Variants in TEX15 observed in about 807,000 individuals in gnomAD.
TEX15 encodes the protein testis expressed 15, meiosis and synapsis associated, also known as testis-expressed protein 15.
In TEX15, 171 loss-of-function variants were observed where a neutral mutation model predicts 237.3. That is an observed-to-expected ratio of 0.72 (90% CI 0.64 to 0.82). The LOEUF (loss-of-function observed/expected upper bound fraction) is 0.82. Among genes scored for constraint, TEX15 ranks in the 40% least tolerant of loss-of-function variants. TEX15 has a pLI of 0.00. For synonymous variants in TEX15, 1,338 were observed against 1,269.8 expected, an observed-to-expected ratio of 1.05 and a Z score of -1.14; for missense variants, 3,750 against 3,646.5, an observed-to-expected ratio of 1.03 and a Z score of -0.73.
intron 1 of TEX15, among the ~76,000 whole-genome samples, chr8:30,907,701 C>CATATAAATTAGATATAAAATTTAT (rs1170033262): frequency 5.3e-5 from 6 of 114,132 alleles, no homozygotes; most frequent in South Asian, 5.5e-4. Flanking sequence ...ATATAAAATA[C>CATATAAATTAGATATAAAATTTAT]ATATAAATTA....
intron 5 of TEX15, among the ~76,000 whole-genome samples, chr8:30,862,987 A>G (rs1808083017): frequency 6.6e-6 from 1 of 152,202 alleles, no homozygotes; most frequent in African/African-American, 2.4e-5. Context: ...CCCCACCTAG[A>G]CAATAACTGC....
At chr8:30,891,416 A>C (rs1808790113) in intron 2 of TEX15, among the ~76,000 whole-genome samples, 1 of 151,448 alleles carries the variant, frequency 6.6e-6, no homozygotes. Flanking sequence ...GGTAGTTTTT[A>C]CTTTCTGCCA....
At position 30,844,441 on chromosome 8, in the gene TEX15, A is replaced by G. The variant is rs777371246; in HGVS notation, c.5726T>C (p.Val1909Ala). ...LSTKNTTTES[V>A]PLKNTVSNPL... ...ATTAGAAACTGTGTTCTTCAAAGGG[A>G]CTGACTCAGTGGTAGTATTTTTAGT... The change falls in exon 8 of 11, where the codon GTC becomes GCC. Residue 1909 changes from valine (V) to alanine (A), a missense_variant. Coordinates refer to ENST00000643185, the MANE Select transcript of TEX15 (RefSeq NM_001350162.2). 6.8e-6 allele frequency: 11 copies of G among 1,612,824 alleles called. No homozygotes were observed. Among genetic ancestry groups the G allele is most frequent in the Non-Finnish European group, 9.3e-6 (11 of 1,179,458 alleles).
chr8:30,835,118 A>G (rs533678307), intron 10 of TEX15, among the ~76,000 whole-genome samples: 4 of 151,904 alleles, frequency 2.6e-5, no homozygotes, highest in Non-Finnish European at 4.4e-5. Context: ...ATATATATAT[A>G]TTTTTTGGGA....
rs144234582 is a variant in TEX15, at chr8:30,846,329, T to C, written c.3838A>G (p.Thr1280Ala). The change falls in exon 8 of 11, where the codon ACA becomes GCA. Residue 1280 changes from threonine to alanine, a missense_variant. Thr to Ala is a moderately conservative substitution (Grantham distance 58, BLOSUM62 0). Transcript: ENST00000643185. The part of the protein sequence containing the change: ...TIDDGSRCFF[T>A]KSKTDYNDTK... ...TCATTATAGTCAGTTTTTGATTTTG[T>C]AAAGAAACATCTGCTTCCATCATCT... 8.2e-4 allele frequency: 1,326 copies of C among 1,612,838 alleles called. 4 individuals are homozygous for C. The highest frequency in any genetic ancestry group is 5.4e-3 in the Middle Eastern group (33 of 6,058).
chr8:30,855,272 C>G (rs1317734298), intron 7 of TEX15, among the ~76,000 whole-genome samples: 2 of 152,026 alleles, frequency 1.3e-5, no homozygotes, highest in Non-Finnish European at 1.5e-5. Context: ...TACACAAAAT[C>G]AATTATATTT....
At chr8:30,907,491 A>C (rs1012354681) in intron 1 of TEX15, among the ~76,000 whole-genome samples, 2 of 147,118 alleles carry the variant, frequency 1.4e-5, no homozygotes, top group African/African-American at 4.9e-5. Flanking sequence ...ATTATATATA[A>C]AATGTATATA....
At position 30,837,621 on chromosome 8, in the gene TEX15, A is replaced by G. The variant is rs778825103; in HGVS notation, c.8663T>C (p.Val2888Ala). 3 of 1,614,044 alleles carry G rather than the reference A, an allele frequency of 1.9e-6. No homozygotes were observed. Among genetic ancestry groups the G allele is most frequent in the African/African-American group, 2.7e-5 (2 of 74,942 alleles). The change falls in exon 10 of 11, where the codon GTG becomes GCG. Residue 2888 changes from valine to alanine, a missense_variant. Physicochemically the swap from Val to Ala is moderately conservative, Grantham distance 64. Coordinates refer to ENST00000643185, the MANE Select transcript of TEX15 (RefSeq NM_001350162.2). ...DINPETDVSL[V>A]PDASVLSKPI... ...CTTTGAGAGCACCGACGCATCAGGC[A>G]CAAGAGAAACATCAGTTTCTGGGTT...
chr8:30,889,190 G>A (rs1375320530), intron 2 of TEX15, among the ~76,000 whole-genome samples: 1 of 152,158 alleles, frequency 6.6e-6, no homozygotes, highest in Non-Finnish European at 1.5e-5. Flanking sequence ...TTTAACTACA[G>A]TTAAGTTACA....
chr8:30,844,631 T>G lies in TEX15; in HGVS notation c.5536A>C (p.Lys1846Gln). The G allele has an allele frequency of 6.2e-7, 1 of 1,613,372 alleles. No homozygotes were observed. The highest frequency in any genetic ancestry group is 8.5e-7 in the Non-Finnish European group (1 of 1,179,594). The change falls in exon 8 of 11, where the codon AAA becomes CAA. Residue 1846 changes from lysine (K) to glutamine (Q), a missense_variant. By Grantham distance (53) the Lys-to-Gln change is moderately conservative. Coordinates refer to ENST00000643185, the MANE Select transcript of TEX15 (RefSeq NM_001350162.2). ...KKDTEDRITW[K>Q]VKQAEKAKDS... is the part of the protein sequence containing the mutation. ...TTTGCTTTTTCCGCTTGTTTAACTTTCCACGTTATTCTGTCCTCAGTGTCT... is the reference window on the plus strand; with the variant it reads ...TTTGCTTTTTCCGCTTGTTTAACTTGCCACGTTATTCTGTCCTCAGTGTCT...
rs1254746002 is a variant in TEX15 at position 30,847,411 on chromosome 8, G to C, written c.2756C>G (p.Ser919Cys). ...NIEILSSEEF[S>C]TKFNLICRED... The stretch of plus-strand genomic sequence containing the variant: ...TCTGCAAATCAAGTTAAATTTAGTA[G>C]AAAATTCTTCAGAACTCAAAATTTC... The change falls in exon 8 of 11, where the codon TCT becomes TGT. Residue 919 changes from serine to cysteine, a missense_variant. Physicochemically the swap from Ser to Cys is moderately radical, Grantham distance 112. Coordinates refer to ENST00000643185, the MANE Select transcript of TEX15 (RefSeq NM_001350162.2). 1.2e-6 allele frequency: 2 copies of C among 1,612,214 alleles called. No individual in the cohort carries two copies. The highest frequency in any genetic ancestry group is 1.7e-4 in the Middle Eastern group (1 of 6,056).
At chr8:30,902,400 G>T (rs138424175) in intron 1 of TEX15, among the ~76,000 whole-genome samples, 60 of 152,076 alleles carry the variant, frequency 3.9e-4, no homozygotes, top group Non-Finnish European at 8.1e-4. Context: ...GGGCAGGAAG[G>T]GGGGAAGATA....
chr8:30,839,806 T>G (rs1392830229), intron 9 of TEX15, 100 bp downstream of exon 9: 4 of 679,024 alleles, frequency 5.9e-6, no homozygotes, highest in Non-Finnish European at 9.7e-6. Context: ...ACATGTATGA[T>G]CCAATGACAT....
intron 4 of TEX15, among the ~76,000 whole-genome samples, 175 bp from the exon 5 acceptor site, chr8:30,867,677 T>C (rs1808203102): frequency 6.6e-6 from 1 of 152,094 alleles, no homozygotes; most frequent in African/African-American, 2.4e-5. Flanking sequence ...AAATTCAGGA[T>C]TACTTAGCCA....
chr8:30,883,379 T>TA (rs1554500738), intron 3 of TEX15, among the ~76,000 whole-genome samples: 83 of 152,084 alleles, frequency 5.5e-4, no homozygotes, highest in Admixed American at 9.2e-4. Flanking sequence ...CTTTTTTTTT[T>TA]AATTTTTTAT....
intron 10 of TEX15, among the ~76,000 whole-genome samples, chr8:30,834,241 C>T (rs1193196470): frequency 6.6e-6 from 1 of 152,190 alleles, no homozygotes; most frequent in African/African-American, 2.4e-5. Flanking sequence ...GGCGTGATCT[C>T]GGCTCACTGC....
intron 3 of TEX15, among the ~76,000 whole-genome samples, chr8:30,876,024 A>G (rs778190884): frequency 5.3e-5 from 8 of 151,934 alleles, no homozygotes; most frequent in Non-Finnish European, 1.0e-4. Flanking sequence ...ATGTTGTCCA[A>G]GCTGGTCTCA....
intron 2 of TEX15, among the ~76,000 whole-genome samples, chr8:30,892,689 C>T (rs1021474854): frequency 1.3e-5 from 2 of 151,936 alleles, no homozygotes; most frequent in Non-Finnish European, 2.9e-5. Context: ...ATAATTTTTA[C>T]GTTACTATAT....
intron 5 of TEX15, among the ~76,000 whole-genome samples, chr8:30,866,860 T>C (rs28709674): frequency 0.21 from 32,253 of 151,948 alleles, 4,697 homozygotes; most frequent in African/African-American, 0.4. Context: ...ATTGATACAA[T>C]ACTATTAACT....
Sources: gnomAD v4.1 joint callset for allele counts (sites outside exome capture counted in the v4.1 genomes callset) on GRCh38, gnomAD v4.1.1 for gene constraint, MANE v1.5 for transcripts, NCBI Gene and HGNC (gene_info 2026-07-23, HGNC 2026-07-21) for gene names.